CPQ: variants seen among roughly 807,000 people sequenced by gnomAD.
CPQ encodes carboxypeptidase Q.
CPQ carries 37 observed loss-of-function variants against 45.7 expected under a neutral mutation model. The observed-to-expected ratio is 0.81, with a 90% CI of 0.62 to 1.07. The LOEUF is 1.07. Among genes scored for constraint, CPQ ranks in the 50% least tolerant of loss-of-function variants. CPQ has a pLI of 0.00. For missense variants in CPQ, 537 were observed against 572.9 expected, an observed-to-expected ratio of 0.94 and a Z score of 0.64; for synonymous variants, 186 against 205.8, an observed-to-expected ratio of 0.90 and a Z score of 0.82.
Position 97,065,999 on chromosome 8 carries a change from T to C in CPQ, c.1054-10T>C, listed in dbSNP as rs767725387. On this transcript the variant is annotated splice_polypyrimidine_tract_variant and intron_variant, in intron 6 of 7. Transcript: ENST00000220763. ...CAGATAAGAACCAAACAATTTTCTC[T>C]TGTGTTTAGGTAAATATTTCCAACT... 1.2e-6 allele frequency: 2 copies of C among 1,609,616 alleles called. No homozygotes were observed. The highest frequency in any genetic ancestry group is 1.7e-6 in the Non-Finnish European group (2 of 1,178,974).
chr8:96,696,184 C>A (rs960744247), intron 1 of CPQ, among the ~76,000 whole-genome samples: 2 of 151,426 alleles, frequency 1.3e-5, no homozygotes, highest in African/African-American at 2.4e-5. Flanking sequence ...AGTAAACTAT[C>A]GCAAGAACAA....
Position 97,059,579 on chromosome 8 carries a change from C to G in CPQ, c.1054-6430C>G, listed in dbSNP as rs116653531. ...GATCTGACCAGAAAATAAAGGCTGT[C>G]TTTCTACCTTGCACAGCAGAGGAAC... On this transcript the variant is annotated intron_variant, in intron 6 of 7. Transcript: ENST00000220763. Among the ~76,000 whole-genome samples, 838 of 151,788 alleles carry G rather than the reference C, an allele frequency of 5.5e-3. 6 individuals carry two copies. The highest frequency in any genetic ancestry group is 0.019 in the African/African-American group (789 of 41,364).
chr8:96,645,912 T>C (rs1815513849), intron 1 of CPQ, among the ~76,000 whole-genome samples: 1 of 151,278 alleles, frequency 6.6e-6, no homozygotes, highest in Admixed American at 6.6e-5. Flanking sequence ...CGAAGTTCCA[T>C]GAGGGCAAAG....
chr8:96,797,744 C>G (rs146288857), intron 2 of CPQ, among the ~76,000 whole-genome samples: 244 of 151,840 alleles, frequency 1.6e-3, no homozygotes, highest in South Asian at 9.4e-3. Flanking sequence ...TAGTGAAACT[C>G]CCTCACTACT....
chr8:96,923,569 A>G (rs1317093448), intron 4 of CPQ, among the ~76,000 whole-genome samples: 2 of 152,082 alleles, frequency 1.3e-5, no homozygotes, highest in African/African-American at 4.8e-5. Context: ...ATCTAGTCAT[A>G]CATCAATCCA....
intron 1 of CPQ, among the ~76,000 whole-genome samples, chr8:96,740,561 C>G (rs1249658705): frequency 6.6e-6 from 1 of 151,668 alleles, no homozygotes; most frequent in Non-Finnish European, 1.5e-5. Flanking sequence ...GGGAATGCTT[C>G]CAGTTTTTGC....
At chr8:96,687,176 TTCTCTTCTC>T (rs1809242445) in intron 1 of CPQ, among the ~76,000 whole-genome samples, 1 of 134,544 alleles carries the variant, frequency 7.4e-6, no homozygotes, top group African/African-American at 2.6e-5. Flanking sequence ...TTTCTTTTCT[TTCTCTTCTC>T]TTCTCTTCTC....
In CPQ at chr8:96,698,765, A is replaced by G. The variant is rs2130743663; in HGVS notation, c.-35+53363A>G. Among the ~76,000 whole-genome samples the G allele has an allele frequency of 2.6e-5, 4 of 152,332 alleles. 1 individual carries two copies. The highest frequency in any genetic ancestry group is 2.6e-4 in the Admixed American group (4 of 15,292). Reference sequence around the variant, plus strand: ...TCACTGATCATCACAATATGCAAATAAAAACTACAGTGAGATATCATCTCA... The same window carrying G: ...TCACTGATCATCACAATATGCAAATGAAAACTACAGTGAGATATCATCTCA... On this transcript the variant is annotated intron_variant, in intron 1 of 7. Transcript: ENST00000220763.
chr8:97,043,844 G>A (rs1338218186), intron 6 of CPQ, among the ~76,000 whole-genome samples: 1 of 152,182 alleles, frequency 6.6e-6, no homozygotes, highest in Non-Finnish European at 1.5e-5. Flanking sequence ...AGTTTCTGCC[G>A]AGAGATCCGC....
At chr8:96,783,731 T>G (rs1213450805) in intron 1 of CPQ, among the ~76,000 whole-genome samples, 1 of 152,192 alleles carries the variant, frequency 6.6e-6, no homozygotes, top group African/African-American at 2.4e-5. Flanking sequence ...TAATAGCCAC[T>G]AGCCACACGT....
chr8:96,941,771 T>A (rs945673390), intron 4 of CPQ, among the ~76,000 whole-genome samples: 1 of 152,162 alleles, frequency 6.6e-6, no homozygotes, highest in Non-Finnish European at 1.5e-5. Context: ...TCTAAAACAA[T>A]TAGAATGAAA....
chr8:96,707,161 A>G (rs1422684675), intron 1 of CPQ, among the ~76,000 whole-genome samples: 1 of 152,190 alleles, frequency 6.6e-6, no homozygotes, highest in Non-Finnish European at 1.5e-5. Flanking sequence ...ATAACTGTGC[A>G]GAGACAATGA....
At position 97,074,520 on chromosome 8, in the gene CPQ, C is replaced by T. The variant is rs7008405; in HGVS notation, c.1255+8310C>T. ...GGCACGGTGGCCCACGCCTGTAATCCCAGGACTTTGGGAGGCTAAGGCAGG... is the reference window on the plus strand; with the variant it reads ...GGCACGGTGGCCCACGCCTGTAATCTCAGGACTTTGGGAGGCTAAGGCAGG... On this transcript the variant is annotated intron_variant, in intron 7 of 7. Transcript: ENST00000220763. 4.4e-3 allele frequency among the ~76,000 whole-genome samples: 673 copies of T among 152,170 alleles called. 1 individual carries two copies. Among genetic ancestry groups the T allele is most frequent in the African/African-American group, 0.014 (589 of 41,492 alleles).
At chr8:96,679,184 T>C (rs1349567938) in intron 1 of CPQ, among the ~76,000 whole-genome samples, 1 of 152,168 alleles carries the variant, frequency 6.6e-6, no homozygotes, top group African/African-American at 2.4e-5. Flanking sequence ...ATGATTCATA[T>C]GGTCTTTGTC....
chr8:96,713,005 G>T (rs1445027381), intron 1 of CPQ, among the ~76,000 whole-genome samples: 1 of 152,076 alleles, frequency 6.6e-6, no homozygotes, highest in African/African-American at 2.4e-5. Flanking sequence ...CAAGTTCAAA[G>T]TTACACAGAT....
chr8:96,704,859 TGAA>T (rs1809512675), intron 1 of CPQ, among the ~76,000 whole-genome samples: 1 of 152,158 alleles, frequency 6.6e-6, no homozygotes, highest in South Asian at 2.1e-4. Flanking sequence ...AAAGTACCTG[TGAA>T]ACATCCATTT....
At chr8:96,910,563 G>A (rs894057858) in intron 4 of CPQ, among the ~76,000 whole-genome samples, 4 of 152,146 alleles carry the variant, frequency 2.6e-5, no homozygotes, top group African/African-American at 9.7e-5. Context: ...GGAGTACAGT[G>A]GTGTGATGTC....
chr8:96,880,673 C>T (rs1812212443), intron 4 of CPQ, among the ~76,000 whole-genome samples: 1 of 150,274 alleles, frequency 6.7e-6, no homozygotes, highest in Non-Finnish European at 1.5e-5. Context: ...TGAATTAATA[C>T]AGAAAGAAAA....
chr8:97,024,374 A>G (rs1809760906), intron 5 of CPQ, among the ~76,000 whole-genome samples: 1 of 151,964 alleles, frequency 6.6e-6, no homozygotes, highest in Non-Finnish European at 1.5e-5. Context: ...GGTGGCTCAA[A>G]AGGTAGCAGT....
Sources: gnomAD v4.1 joint callset for allele counts (sites outside exome capture counted in the v4.1 genomes callset) on GRCh38, gnomAD v4.1.1 for gene constraint, MANE v1.5 for transcripts, NCBI Gene and HGNC (gene_info 2026-07-23, HGNC 2026-07-21) for gene names.